Variants in LARS2 observed in about 807,000 individuals in gnomAD.
LARS2 encodes the protein leucyl-tRNA synthetase 2, mitochondrial.
A neutral mutation model predicts 116.6 loss-of-function variants in LARS2; 81 were observed. The ratio of observed to expected loss-of-function variants is 0.69; its 90% CI spans 0.58 to 0.84. The LOEUF is 0.84. Among genes scored for constraint, LARS2 ranks in the 40% least tolerant of loss-of-function variants. The pLI, the probability that LARS2 is intolerant of heterozygous loss-of-function variation, is 0.00. For missense variants in LARS2, 968 were observed against 1,114.5 expected (o/e 0.87, Z 1.87); for synonymous variants, 396 against 407.2 (o/e 0.97, Z 0.33).
At chr3:45,459,037 C>T in intron 8 of LARS2, 151 bp downstream of exon 8, 5 of 728,268 alleles carry the variant, frequency 6.9e-6, no homozygotes, top group Non-Finnish European at 6.9e-6. Context: ...AGCTGAGCCT[C>T]ATCACTCACT....
intron 20 of LARS2, 45 bp from the exon 21 acceptor site, chr3:45,541,784 C>A: frequency 6.2e-7 from 1 of 1,607,656 alleles, no homozygotes. Flanking sequence ...CATAAGCCTC[C>A]CTGTTCTTAG....
At chr3:45,467,302 A>G (rs912737396) in intron 8 of LARS2, among the ~76,000 whole-genome samples, 1 of 152,192 alleles carries the variant, frequency 6.6e-6, no homozygotes, top group Admixed American at 6.5e-5. Context: ...GTTTTTCAAA[A>G]TAACCATTCT....
At chr3:45,506,290 A>G (rs1200135044) in intron 15 of LARS2, among the ~76,000 whole-genome samples, 3 of 151,794 alleles carry the variant, frequency 2.0e-5, no homozygotes, top group Non-Finnish European at 4.4e-5. Flanking sequence ...GCCTCTGAAA[A>G]CTCTCCCGGT....
chr3:45,533,214 G>A (rs900615611), intron 20 of LARS2, among the ~76,000 whole-genome samples: 2 of 128,438 alleles, frequency 1.6e-5, no homozygotes, highest in Admixed American at 9.0e-5. Context: ...GCAGTGGCGC[G>A]ATCTCGGCTC....
At chr3:45,518,142 C>G in intron 18 of LARS2, 70 bp downstream of exon 18, 4 of 1,219,224 alleles carry the variant, frequency 3.3e-6, no homozygotes, top group Non-Finnish European at 4.6e-6. Context: ...TGCCTGTGGT[C>G]TTTGCTGCCC....
chr3:45,540,742 A>ATCTC (rs1553639588), intron 20 of LARS2, among the ~76,000 whole-genome samples: 1 of 123,360 alleles, frequency 8.1e-6, no homozygotes, highest in African/African-American at 2.8e-5. Context: ...GCATGTATCT[A>ATCTC]TCTGTCTATC....
chr3:45,496,230 A>G (rs1373625962), intron 13 of LARS2, 45 bp from the exon 14 acceptor site: 1 of 1,450,126 alleles, frequency 6.9e-7, no homozygotes, highest in East Asian at 2.3e-5. Flanking sequence ...AAACTGCATT[A>G]AAATTTAAAA....
chr3:45,423,462 A>G (rs1319539245), intron 6 of LARS2, among the ~76,000 whole-genome samples: 2 of 152,046 alleles, frequency 1.3e-5, no homozygotes, highest in East Asian at 3.9e-4. Flanking sequence ...ACAGGCACGC[A>G]CCACTACACC....
chr3:45,403,117 A>AG (rs1490845301), intron 4 of LARS2, among the ~76,000 whole-genome samples: 2 of 135,722 alleles, frequency 1.5e-5, no homozygotes, highest in African/African-American at 5.0e-5. Flanking sequence ...AAAGACAAAA[A>AG]AAAAAAAAAA....
chr3:45,488,674 T>C (rs1699858530), intron 11 of LARS2, 23 bp from the exon 12 acceptor site: 2 of 1,453,468 alleles, frequency 1.4e-6, no homozygotes, highest in East Asian at 4.5e-5. Context: ...AGGAAATGTT[T>C]TCTTTTCTTC....
At position 45,403,845 on chromosome 3, in the gene LARS2, T is replaced by C. The variant is rs574784951; in HGVS notation, c.363+3472T>C. ...AACAACCTAGATTTGAACCTACCAC[T>C]TTCTAGCCAAGCGACTCTACAGAGT... On this transcript the variant is annotated intron_variant, in intron 4 of 21. Coordinates refer to ENST00000645846, the MANE Select transcript of LARS2 (RefSeq NM_015340.4). Among the ~76,000 whole-genome samples the C allele has an allele frequency of 3.9e-5, 6 of 152,280 alleles. No homozygotes were observed. In the South Asian group the frequency reaches 1.0e-3, roughly 26 times the overall value.
At chr3:45,414,350 A>G (rs1269831412) in intron 4 of LARS2, among the ~76,000 whole-genome samples, 1 of 152,232 alleles carries the variant, frequency 6.6e-6, no homozygotes, top group Non-Finnish European at 1.5e-5. Flanking sequence ...GTATGGCTGT[A>G]TGGTAGAATA....
intron 20 of LARS2, among the ~76,000 whole-genome samples, chr3:45,527,075 C>G (rs1486568497): frequency 6.6e-6 from 1 of 152,146 alleles, no homozygotes; most frequent in African/African-American, 2.4e-5. Context: ...GTGAGAGTCT[C>G]AGTTGAAATT....
chr3:45,537,067 T>C (rs1452987528), intron 20 of LARS2, among the ~76,000 whole-genome samples: 1 of 152,166 alleles, frequency 6.6e-6, no homozygotes, highest in African/African-American at 2.4e-5. Flanking sequence ...TTTGTCTTTG[T>C]GTGCCTCTTT....
intron 2 of LARS2, among the ~76,000 whole-genome samples, chr3:45,393,296 G>A (rs1382712794): frequency 6.6e-6 from 1 of 151,968 alleles, no homozygotes; most frequent in Admixed American, 6.5e-5. Flanking sequence ...GGGACTCTGG[G>A]CCAGGTGTGG....
chr3:45,415,860 A>T (rs13099471), intron 4 of LARS2, among the ~76,000 whole-genome samples: 51,677 of 91,304 alleles, frequency 0.57, 11,577 homozygotes, highest in Non-Finnish European at 0.59. Flanking sequence ...AAAAAAAAAA[A>T]ATATATATAT....
intron 20 of LARS2, among the ~76,000 whole-genome samples, chr3:45,527,738 T>C (rs1160565898): frequency 6.6e-6 from 1 of 152,248 alleles, no homozygotes; most frequent in Non-Finnish European, 1.5e-5. Flanking sequence ...GGATGTTTGA[T>C]ATTTTGTGTG....
At chr3:45,390,739 G>T (rs1030762714) in intron 1 of LARS2, among the ~76,000 whole-genome samples, 19 of 151,026 alleles carry the variant, frequency 1.3e-4, no homozygotes, top group African/African-American at 3.9e-4. Context: ...TGCAAGCTCC[G>T]CCTCCCGGGT....
rs188338182 is a variant in LARS2 at position 45,536,212 on chromosome 3, C to T, written c.2405-5617C>T. 1.1e-4 allele frequency among the ~76,000 whole-genome samples: 16 copies of T among 152,310 alleles called. No individual in the cohort carries two copies. The East Asian group carries it at 3.1e-3, about 29-fold the overall frequency. ...TCACAGCTCACTGCAACCTCAACCT[C>T]TCAGGCTCAGGTGATCCTCCCGCCT... On this transcript the variant is annotated intron_variant, in intron 20 of 21. Transcript: ENST00000645846.
Sources: gnomAD v4.1 joint callset for allele counts (sites outside exome capture counted in the v4.1 genomes callset) on GRCh38, gnomAD v4.1.1 for gene constraint, MANE v1.5 for transcripts, NCBI Gene and HGNC (gene_info 2026-07-23, HGNC 2026-07-21) for gene names.